RASA2: variants seen among roughly 807,000 people sequenced by gnomAD.
The protein encoded by RASA2 is RAS p21 protein activator 2.
A neutral mutation model predicts 118.2 loss-of-function variants in RASA2; 155 were observed. The ratio of observed to expected loss-of-function variants is 1.31; its 90% CI spans 1.15 to 1.50. The LOEUF (loss-of-function observed/expected upper bound fraction) is 1.50. RASA2 is among the 40% of genes most tolerant of loss of function. The pLI, the probability that RASA2 is intolerant of heterozygous loss-of-function variation, is 0.00. For missense variants in RASA2, 1,016 were observed against 1,009.6 expected (o/e 1.01, Z -0.09); for synonymous variants, 353 against 349.1 (o/e 1.01, Z -0.12).
Position 141,558,898 on chromosome 3 carries a change from AG to A in RASA2, c.698del (p.Ser233IlefsTer11). ...ATTTTGTTTACAGGTAACCAGATCC[AG>A]TAGTTACACCAGAAAGTCCCAGTTC... The part of the protein sequence containing the change: ...EIFYFEVTRS[S>X]SYTRKSQFQV... On this transcript the variant is annotated frameshift_variant, in exon 8 of 24. Transcript: ENST00000286364. LOFTEE classifies it high-confidence loss of function. The A allele has an allele frequency of 6.2e-7, 1 of 1,602,334 alleles. No homozygotes were observed. The highest frequency in any genetic ancestry group is 1.1e-5 in the South Asian group (1 of 90,322).
intron 19 of RASA2, among the ~76,000 whole-genome samples, chr3:141,595,316 A>C (rs2083349474): frequency 6.6e-6 from 1 of 152,238 alleles, no homozygotes. Flanking sequence ...CTATCAGACT[A>C]TATTTTAAAA....
chr3:141,601,542 A>T lies in RASA2; in HGVS notation c.1934-6136A>T, dbSNP rs77300403. Among the ~76,000 whole-genome samples the T allele has an allele frequency of 9.1e-3, 1,393 of 152,332 alleles. 22 individuals carry two copies. The highest frequency in any genetic ancestry group is 0.031 in the African/African-American group (1,300 of 41,560). On this transcript the variant is annotated intron_variant, in intron 19 of 23. Transcript: ENST00000286364. Reference sequence around the variant, plus strand: ...GATATGCTAGGATTTCTTGAAGAGAACATTAAAAGCACTGAACATTTTTCT... The same window carrying T: ...GATATGCTAGGATTTCTTGAAGAGATCATTAAAAGCACTGAACATTTTTCT...
Position 141,594,474 on chromosome 3 carries a change from G to A in RASA2, c.1933+7722G>A, listed in dbSNP as rs566884684. On this transcript the variant is annotated intron_variant, in intron 19 of 23. Coordinates refer to ENST00000286364, the MANE Select transcript of RASA2 (RefSeq NM_006506.5). Reference sequence around the variant, plus strand: ...AAGCATGATAAACGCAAAGGAAACCGCACTTAGACATAAAATAGTCAAACC... The same window carrying A: ...AAGCATGATAAACGCAAAGGAAACCACACTTAGACATAAAATAGTCAAACC... Among the ~76,000 whole-genome samples the A allele has an allele frequency of 1.1e-4, 17 of 152,030 alleles. No individual in the cohort carries two copies. In the South Asian group the frequency reaches 2.3e-3, roughly 20 times the overall value.
intron 5 of RASA2, among the ~76,000 whole-genome samples, chr3:141,550,513 G>T (rs985189056): frequency 1.3e-5 from 2 of 152,070 alleles, no homozygotes; most frequent in Non-Finnish European, 2.9e-5. Context: ...TTTGAGTAAG[G>T]GCTACAGATT....
At chr3:141,532,149 C>T (rs2082269079) in intron 4 of RASA2, among the ~76,000 whole-genome samples, 1 of 152,040 alleles carries the variant, frequency 6.6e-6, no homozygotes, top group African/African-American at 2.4e-5. Context: ...ATAGCATCAC[C>T]TGCATTTTAC....
At chr3:141,580,555 T>TACAC (rs10663136) in intron 16 of RASA2, 104 bp downstream of exon 16, 7,756 of 573,926 alleles carry the variant, frequency 0.014, 7 homozygotes, top group Non-Finnish European at 0.016. Flanking sequence ...AAACAAAACA[T>TACAC]ACACACACAC....
intron 23 of RASA2, 78 bp from the exon 24 acceptor site, chr3:141,612,205 T>G: frequency 2.7e-6 from 3 of 1,101,536 alleles, no homozygotes; most frequent in Non-Finnish European, 4.0e-6. Context: ...TTCTAAATAC[T>G]TAATGGATTA....
Position 141,574,034 on chromosome 3 carries a change from T to C in RASA2, c.1450T>C (p.Ser484Pro). ...CACTGTAATGTGTGATATCTTTTAT[T>C]CTCTAAGGCAGATGGCTACTCAGAG... is the stretch of plus-strand genomic sequence containing the variant. ...CPTVMCDIFY[S>P]LRQMATQRFP... Residue 484 changes from serine (S) to proline (P), a missense_variant, in exon 14 of 24, where the codon TCT becomes CCT. Coordinates refer to ENST00000286364, the MANE Select transcript of RASA2 (RefSeq NM_006506.5). 1.3e-6 allele frequency: 2 copies of C among 1,543,476 alleles called. No homozygotes were observed. Among genetic ancestry groups the C allele is most frequent in the Non-Finnish European group, 1.8e-6 (2 of 1,139,004 alleles).
chr3:141,586,231 T>A, intron 18 of RASA2, 133 bp downstream of exon 18: 1 of 741,818 alleles, frequency 1.3e-6, no homozygotes, highest in Non-Finnish European at 2.1e-6. Context: ...AGCAGTCAGG[T>A]AAGTCGCCTT....
At chr3:141,579,829 G>A (rs1009883813) in intron 15 of RASA2, among the ~76,000 whole-genome samples, 3 of 151,698 alleles carry the variant, frequency 2.0e-5, no homozygotes, top group Non-Finnish European at 4.4e-5. Context: ...GCCAAGGCAG[G>A]CAGATCACCT....
At chr3:141,487,816 G>T (rs1305181580) in intron 1 of RASA2, among the ~76,000 whole-genome samples, 1 of 152,174 alleles carries the variant, frequency 6.6e-6, no homozygotes, top group Non-Finnish European at 1.5e-5. Flanking sequence ...CTACCGCGCG[G>T]TCTGTTCGCG....
At chr3:141,581,204 T>TA (rs757280775) in intron 17 of RASA2, 27 bp downstream of exon 17, 38 of 1,389,870 alleles carry the variant, frequency 2.7e-5, no homozygotes, top group Non-Finnish European at 3.5e-5. Flanking sequence ...CTGGAATTGT[T>TA]AATATTTATT....
At chr3:141,555,474 T>C (rs1201737128) in intron 6 of RASA2, among the ~76,000 whole-genome samples, 2 of 152,150 alleles carry the variant, frequency 1.3e-5, no homozygotes, top group African/African-American at 2.4e-5. Context: ...AGAATGTTTT[T>C]CAAGTTCCTT....
At chr3:141,571,092 T>G (rs760750451) in intron 10 of RASA2, 24 bp downstream of exon 10, 3 of 1,572,928 alleles carry the variant, frequency 1.9e-6, no homozygotes, top group Non-Finnish European at 1.7e-6. Context: ...CTTAAGGATA[T>G]GATTTAACAC....
chr3:141,557,466 G>C (rs1367985778), intron 7 of RASA2, among the ~76,000 whole-genome samples: 2 of 152,160 alleles, frequency 1.3e-5, no homozygotes, highest in Admixed American at 6.5e-5. Flanking sequence ...TATGTCCAAA[G>C]TACAGTGAGT....
chr3:141,613,909 AG>A lies in RASA2; in HGVS notation c.*1597del, dbSNP rs1412968853. On this transcript the variant is annotated 3_prime_UTR_variant, in exon 24 of 24. Transcript: ENST00000286364. Reference sequence around the variant, plus strand: ...GGTTATTACTCCCAGCTCATTTTAAAGACAAGTTTGAAAGAGTCCTTTAAAT... The same window carrying A: ...GGTTATTACTCCCAGCTCATTTTAAAACAAGTTTGAAAGAGTCCTTTAAAT... The A allele has an allele frequency of 6.6e-6, 1 of 152,212 alleles. No homozygotes were observed. Among genetic ancestry groups the A allele is most frequent in the Non-Finnish European group, 1.5e-5 (1 of 68,030 alleles). The allele number at this position is 152,212 out of a possible 1,614,324, so 9.4% of individuals were successfully genotyped here.
chr3:141,534,502 A>G (rs1158153280), intron 4 of RASA2, among the ~76,000 whole-genome samples: 1 of 152,214 alleles, frequency 6.6e-6, no homozygotes, highest in Non-Finnish European at 1.5e-5. Context: ...CATGTCCTAT[A>G]TGATGCAATT....
At chr3:141,497,321 T>TA (rs71151492) in intron 1 of RASA2, among the ~76,000 whole-genome samples, 9,062 of 141,004 alleles carry the variant, frequency 0.064, 838 homozygotes, top group African/African-American at 0.21. Flanking sequence ...TAAAGTATAA[T>TA]AAAAAAAAAA....
chr3:141,500,986 T>A (rs2081770130), intron 1 of RASA2, among the ~76,000 whole-genome samples: 1 of 152,112 alleles, frequency 6.6e-6, no homozygotes, highest in African/African-American at 2.4e-5. Context: ...CCAGCAGAGA[T>A]TATTATGATT....
Sources: gnomAD v4.1 joint callset for allele counts (sites outside exome capture counted in the v4.1 genomes callset) on GRCh38, gnomAD v4.1.1 for gene constraint, MANE v1.5 for transcripts, NCBI Gene and HGNC (gene_info 2026-07-23, HGNC 2026-07-21) for gene names.